The following CRB2 variants were observed in gnomAD, a reference collection of about 807,000 sequenced individuals.
The protein encoded by CRB2 is crumbs cell polarity complex component 2, also known as protein crumbs homolog 2.
A neutral mutation model predicts 110.9 loss-of-function variants in CRB2; 85 were observed. The ratio of observed to expected loss-of-function variants is 0.77; its 90% CI spans 0.64 to 0.92. The LOEUF (loss-of-function observed/expected upper bound fraction) is 0.92, where lower values mean the gene tolerates loss of function less well. CRB2 is among the 40% of genes least tolerant of loss of function. CRB2 has a pLI of 0.00. For missense variants in CRB2, 1,843 were observed against 1,851.3 expected, an observed-to-expected ratio of 1.00 and a Z score of 0.08; for synonymous variants, 907 against 831.0, an observed-to-expected ratio of 1.09 and a Z score of -1.57.
chr9:123,375,863 G>A (rs1477303600), intron 12 of CRB2, among the ~76,000 whole-genome samples: 1 of 152,124 alleles, frequency 6.6e-6, no homozygotes, highest in Non-Finnish European at 1.5e-5. Flanking sequence ...GGCAGCAGGC[G>A]CTGGAGCTGT....
rs2041885201 is a variant in CRB2 at position 123,362,955 on chromosome 9, C to A, written c.185C>A (p.Thr62Asn). The A allele has an allele frequency of 1.2e-6, 2 of 1,611,336 alleles. No homozygotes were observed. The highest frequency in any genetic ancestry group is 1.7e-5 in the Admixed American group (1 of 60,002). The change falls in exon 2 of 13, where the codon ACC becomes AAC. Residue 62 changes from threonine (T) to asparagine (N), a missense_variant. Thr to Asn is a moderately conservative substitution (Grantham distance 65). Transcript: ENST00000373631. ...ECQATESGGY[T>N]CGPMEPRGCA... The stretch of plus-strand genomic sequence containing the variant: ...CAGGCTACCGAGAGTGGTGGCTATA[C>A]CTGTGGGCCCATGGAGCCCCGGGGC...
At position 123,375,208 on chromosome 9, in the gene CRB2, C is replaced by A; in HGVS notation, c.3507-9C>A. The A allele has an allele frequency of 1.2e-6, 2 of 1,612,450 alleles. No homozygotes were observed. Among genetic ancestry groups the A allele is most frequent in the Admixed American group, 3.3e-5 (2 of 59,820 alleles). ...GGAAGCCGCTTTCTCAGCCCCCCTC[C>A]CTCTCCAGGTGTCAGGTCCCCACTC... On this transcript the variant is annotated splice_polypyrimidine_tract_variant and intron_variant, in intron 11 of 12. Coordinates refer to ENST00000373631, the MANE Select transcript of CRB2 (RefSeq NM_173689.7).
rs2042116875 is a variant in CRB2, at chr9:123,377,240, C to CA, written c.*179dup. 1.6e-6 allele frequency: 1 copy of CA among 633,078 alleles called. No homozygotes were observed. The highest frequency in any genetic ancestry group is 1.8e-5 in the African/African-American group (1 of 54,402). The allele number at this position is 633,078 out of a possible 1,614,324, so 39.2% of individuals were successfully genotyped here. A position where few individuals can be genotyped will look rare whatever the true frequency, so the allele number is the denominator to read the frequency against. ...GGACGAGGGGAGCAACTCAGGGAAA[C>CA]AGAGGCCTAGAGAGGCTGCGGACTT... On this transcript the variant is annotated 3_prime_UTR_variant, in exon 13 of 13. Coordinates refer to ENST00000373631, the MANE Select transcript of CRB2 (RefSeq NM_173689.7).
At chr9:123,361,229 G>A (rs2132739072) in intron 1 of CRB2, among the ~76,000 whole-genome samples, 1 of 152,262 alleles carries the variant, frequency 6.6e-6, no homozygotes, top group East Asian at 1.9e-4. Context: ...GGCAGCCGGG[G>A]CCCTTTACCA....
At chr9:123,374,357 A>T (rs1367376757) in intron 10 of CRB2, among the ~76,000 whole-genome samples, 2 of 152,296 alleles carry the variant, frequency 1.3e-5, no homozygotes, top group African/African-American at 4.8e-5. Context: ...GCTTTTGTTC[A>T]GAGTCCTTAC....
rs753503336 is a variant in CRB2 at position 123,373,893 on chromosome 9, C to T, written c.3362C>T (p.Pro1121Leu). ...HPDGRFECRCPPGFGGPRCRL... is the reference protein window; with the variant it reads ...HPDGRFECRCLPGFGGPRCRL... ...GACGGCCGCTTCGAGTGCCGCTGCC[C>T]GCCTGGCTTCGGGGGCCCGCGCTGC... The change falls in exon 10 of 13, where the codon CCG (proline) becomes CTG (leucine). Residue 1121 changes from proline (P) to leucine (L), a missense_variant. Coordinates refer to ENST00000373631, the MANE Select transcript of CRB2 (RefSeq NM_173689.7). 12 of 1,547,952 alleles carry T rather than the reference C, an allele frequency of 7.8e-6. No individual in the cohort carries two copies. The highest frequency in any genetic ancestry group is 1.7e-4 in the Middle Eastern group (1 of 5,982).
intron 1 of CRB2, among the ~76,000 whole-genome samples, chr9:123,362,429 C>A (rs778893203): frequency 1.3e-5 from 2 of 152,152 alleles, no homozygotes; most frequent in African/African-American, 4.8e-5. Flanking sequence ...CCTGTCCCAG[C>A]GAACACTAAC....
intron 9 of CRB2, 47 bp downstream of exon 9, chr9:123,372,389 A>C (rs1436816115): frequency 6.5e-7 from 1 of 1,549,036 alleles, no homozygotes; most frequent in Non-Finnish European, 8.7e-7. Context: ...CTGGACACCT[A>C]AGCTGGTTAG....
chr9:123,373,082 A>G (rs2042039635), intron 9 of CRB2, 52 bp from the exon 10 acceptor site: 2 of 1,400,932 alleles, frequency 1.4e-6, no homozygotes, highest in Non-Finnish European at 1.9e-6. Flanking sequence ...GGGAGGTGGC[A>G]TTTCTGGAGA....
In CRB2 at chr9:123,373,332, G is replaced by T; in HGVS notation, c.2801G>T (p.Arg934Leu). The T allele has an allele frequency of 6.9e-7, 1 of 1,443,996 alleles. No individual in the cohort carries two copies. Among genetic ancestry groups the T allele is most frequent in the Non-Finnish European group, 9.0e-7 (1 of 1,107,472 alleles). 89.4% of individuals were successfully genotyped at this position (1,443,996 alleles called of 1,614,324 possible). A position where few individuals can be genotyped will look rare whatever the true frequency, so the allele number is the denominator to read the frequency against. The change falls in exon 10 of 13, where the codon CGC (arginine) becomes CTC (leucine). Residue 934 changes from arginine to leucine, a missense_variant. Transcript: ENST00000373631. ...VRNGSLAGGVRGGHGLPGAVL... is the reference protein window; with the variant it reads ...VRNGSLAGGVLGGHGLPGAVL... Reference sequence around the variant, plus strand: ...AATGGCTCGCTGGCGGGGGGCGTGCGCGGAGGCCATGGCCTGCCCGGCGCT... The same window carrying T: ...AATGGCTCGCTGGCGGGGGGCGTGCTCGGAGGCCATGGCCTGCCCGGCGCT...
chr9:123,374,501 GGTGGCCCA>G, intron 10 of CRB2, 70 bp from the exon 11 acceptor site: 1 of 988,026 alleles, frequency 1.0e-6, no homozygotes, highest in Non-Finnish European at 1.6e-6. Flanking sequence ...CACAAGCTCA[GGTGGCCCA>G]CGGTCACAGC....
chr9:123,379,411 T>C (rs1248761890), downstream of CRB2, among the ~76,000 whole-genome samples: 1 of 152,236 alleles, frequency 6.6e-6, no homozygotes, highest in African/African-American at 2.4e-5. Context: ...GTCTGCCCCA[T>C]GGCCCCCGCA....
Position 123,371,267 on chromosome 9 carries a change from G to A in CRB2, c.2125G>A (p.Val709Met), listed in dbSNP as rs2042012082. The A allele has an allele frequency of 6.2e-7, 1 of 1,613,858 alleles. No individual in the cohort carries two copies. Among genetic ancestry groups the A allele is most frequent in the Admixed American group, 1.7e-5 (1 of 60,012 alleles). The change falls in exon 8 of 13, where the codon GTG becomes ATG. Residue 709 changes from valine (V) to methionine (M), a missense_variant. Transcript: ENST00000373631. ...GAGTGAGGGTCGGATCCGGGCTGAG[G>A]TGCCGGGCAGTCCTGCTGTAGTGCT... The part of the protein sequence containing the change: ...FLSEGRIRAE[V>M]PGSPAVVLPG...
At position 123,371,110 on chromosome 9, in the gene CRB2, C is replaced by T. The variant is rs376977143; in HGVS notation, c.1968C>T (p.Ser656=). The part of the protein sequence containing the change: ...AATFGLGGAP[S]SASFLLQELP... ...CCTTTGGCTTGGGAGGCGCCCCAAG[C>T]TCTGCCTCCTTTCTGCTCCAAGAGC... Residue 656 remains serine, a synonymous_variant, in exon 8 of 13, where the codon AGC becomes AGT. Coordinates refer to ENST00000373631, the MANE Select transcript of CRB2 (RefSeq NM_173689.7). 5.0e-6 allele frequency: 8 copies of T among 1,613,236 alleles called. No homozygotes were observed. The African/African-American group carries it at 1.1e-4, about 22-fold the overall frequency.
downstream of CRB2, chr9:123,379,710 A>G (rs1291448497): frequency 6.6e-6 from 1 of 152,254 alleles, no homozygotes; most frequent in Non-Finnish European, 1.5e-5. Context: ...TGGGTTTGCA[A>G]AAAGTCCCAC....
At chr9:123,357,647 T>A (rs1266244394) in intron 1 of CRB2, among the ~76,000 whole-genome samples, 2 of 151,984 alleles carry the variant, frequency 1.3e-5, no homozygotes, top group Admixed American at 1.3e-4. Flanking sequence ...GGGTGGCTGC[T>A]CCTCTCTGTT....
chr9:123,362,806 G>T, intron 1 of CRB2, 59 bp from the exon 2 acceptor site: 1 of 1,487,424 alleles, frequency 6.7e-7, no homozygotes. Flanking sequence ...AGAGGGTGGG[G>T]AGGAGATTGT....
intron 1 of CRB2, among the ~76,000 whole-genome samples, chr9:123,359,929 T>C (rs1390598604): frequency 6.6e-6 from 1 of 151,350 alleles, no homozygotes; most frequent in African/African-American, 2.4e-5. Context: ...GCTGTATTCC[T>C]GTGAAAACCT....
chr9:123,374,894 G>GGT (rs1306187404), intron 11 of CRB2, among the ~76,000 whole-genome samples, 199 bp downstream of exon 11: 3 of 152,238 alleles, frequency 2.0e-5, no homozygotes, highest in Non-Finnish European at 4.4e-5. Flanking sequence ...GTGGTTGCCT[G>GGT]GTGGCAGTTC....
Sources: allele counts gnomAD v4.1 joint callset (sites outside exome capture counted in the v4.1 genomes callset), GRCh38; gene constraint gnomAD v4.1.1; transcripts MANE v1.5; gene names NCBI Gene and HGNC (gene_info 2026-07-23, HGNC 2026-07-21).